Variants in ATP2C1 observed in about 807,000 individuals in gnomAD.
ATP2C1 encodes calcium-transporting ATPase type 2C member 1.
In ATP2C1, 31 loss-of-function variants were observed where a neutral mutation model predicts 120.5. The observed-to-expected ratio is 0.26, with a 90% CI of 0.19 to 0.35. The LOEUF is 0.35. Ranked by LOEUF, ATP2C1 falls within the 10% of genes least tolerant of loss-of-function variation. The probability of loss-of-function intolerance (pLI) is 1.00; values close to 1 mark genes in which losing one functional copy is unlikely to be tolerated. For synonymous variants in ATP2C1, 351 were observed against 358.7 expected (o/e 0.98, Z 0.24); for missense variants, 731 against 1,107.5 (o/e 0.66, Z 4.83).
intron 2 of ATP2C1, among the ~76,000 whole-genome samples, chr3:130,910,009 A>G (rs2058320682): frequency 6.6e-6 from 1 of 152,052 alleles, no homozygotes; most frequent in Non-Finnish European, 1.5e-5. Flanking sequence ...CCCAGCTAGT[A>G]GTAGGTTTTT....
At chr3:130,927,537 G>A (rs1048817245) in intron 2 of ATP2C1, among the ~76,000 whole-genome samples, 2 of 152,010 alleles carry the variant, frequency 1.3e-5, no homozygotes, top group Admixed American at 6.6e-5. Context: ...CACCATGCCC[G>A]GCCTTTTTAA....
chr3:130,883,676 T>A (rs2068860530), intron 1 of ATP2C1, among the ~76,000 whole-genome samples: 1 of 152,094 alleles, frequency 6.6e-6, no homozygotes, highest in African/African-American at 2.4e-5. Flanking sequence ...GGTCTCAAAC[T>A]CCTGACCTAA....
intron 1 of ATP2C1, among the ~76,000 whole-genome samples, chr3:130,851,503 G>A (rs769656250): frequency 3.9e-5 from 6 of 152,152 alleles, no homozygotes; most frequent in Admixed American, 6.6e-5. Context: ...TTTCCAGCAG[G>A]AGACACTATC....
intron 18 of ATP2C1, among the ~76,000 whole-genome samples, chr3:130,977,118 T>C (rs218488): frequency 0.45 from 68,700 of 151,876 alleles, 17,860 homozygotes; most frequent in Middle Eastern, 0.65. Context: ...TAAGGGGCAC[T>C]GCAGGGAGGC....
intron 1 of ATP2C1, among the ~76,000 whole-genome samples, chr3:130,870,447 T>TA (rs2068394857): frequency 6.6e-6 from 1 of 152,206 alleles, no homozygotes; most frequent in Non-Finnish European, 1.5e-5. Context: ...TAGGTGTCAC[T>TA]AAAAACATTT....
chr3:130,930,430 A>G lies in ATP2C1; in HGVS notation c.21A>G (p.Gln7=), dbSNP rs1190374214. MKVARF[Q]KIPNGENETM... ...TTACTTCCTAGGTTGCACGTTTTCA[A>G]AAAATACCTAATGGTGAAAATGAGA... is the stretch of plus-strand genomic sequence containing the variant. The change falls in exon 3 of 28, where the codon CAA becomes CAG. Residue 7 remains glutamine, a synonymous_variant. Coordinates refer to ENST00000510168, the MANE Select transcript of ATP2C1 (RefSeq NM_001378687.1). 6 of 1,611,852 alleles carry G rather than the reference A, an allele frequency of 3.7e-6. No homozygotes were observed. The African/African-American group carries it at 8.0e-5, about 22-fold the overall frequency.
intron 26 of ATP2C1, among the ~76,000 whole-genome samples, chr3:131,015,564 T>C (rs2063580865): frequency 6.6e-6 from 1 of 152,162 alleles, no homozygotes; most frequent in African/African-American, 2.4e-5. Context: ...GCAAACATCC[T>C]AGGTTAAGTT....
At chr3:131,014,133 T>C (rs1016264685) in intron 26 of ATP2C1, 5 of 1,613,504 alleles carry the variant, frequency 3.1e-6, no homozygotes, top group Non-Finnish European at 3.4e-6. Flanking sequence ...GTTTCCCTCA[T>C]ACCAACACTT....
chr3:130,989,242 C>T (rs148084367), intron 20 of ATP2C1, among the ~76,000 whole-genome samples: 7,812 of 90,566 alleles, frequency 0.086, 716 homozygotes, highest in African/African-American at 0.24. Context: ...AGCGAAAATC[C>T]ATCTCAAAAA....
At chr3:130,852,677 T>A (rs1457589280) in intron 1 of ATP2C1, among the ~76,000 whole-genome samples, 1 of 152,216 alleles carries the variant, frequency 6.6e-6, no homozygotes, top group East Asian at 1.9e-4. Context: ...ATTAGAGAAA[T>A]TAGGTCAGAG....
intron 26 of ATP2C1, among the ~76,000 whole-genome samples, chr3:131,008,496 G>T (rs1344791302): frequency 6.6e-6 from 1 of 150,460 alleles, no homozygotes; most frequent in Non-Finnish European, 1.5e-5. Context: ...GCTTATTTTT[G>T]TAAATAAAGT....
In ATP2C1 at chr3:130,910,203, G is replaced by A. The variant is rs917234078; in HGVS notation, c.6+15428G>A. 3.3e-5 allele frequency among the ~76,000 whole-genome samples: 5 copies of A among 151,614 alleles called. No homozygotes were observed. In the South Asian group the frequency reaches 8.4e-4, roughly 26 times the overall value. On this transcript the variant is annotated intron_variant, in intron 2 of 27. Coordinates refer to ENST00000510168, the MANE Select transcript of ATP2C1 (RefSeq NM_001378687.1). ...GATTCCTAGGTATTTTATTCTCTTT[G>A]AAGCAATTGTGAATGGGAGTTCACT...
intron 20 of ATP2C1, among the ~76,000 whole-genome samples, chr3:130,985,658 C>CT (rs1553777380): frequency 7.6e-6 from 1 of 132,046 alleles, no homozygotes; most frequent in Non-Finnish European, 1.6e-5. Context: ...CCCGCCCCAC[C>CT]AAAAAAAAAA....
At chr3:130,957,084 T>C (rs576617891) in intron 11 of ATP2C1, among the ~76,000 whole-genome samples, 1 of 152,190 alleles carries the variant, frequency 6.6e-6, no homozygotes, top group African/African-American at 2.4e-5. Flanking sequence ...GTGGGACTTA[T>C]TTATATCCTA....
intron 2 of ATP2C1, among the ~76,000 whole-genome samples, chr3:130,924,506 T>C (rs1372826113): frequency 6.6e-6 from 1 of 152,202 alleles, no homozygotes; most frequent in African/African-American, 2.4e-5. Flanking sequence ...GCTCTTAAGA[T>C]TCTTTCCTTC....
chr3:131,015,287 T>C, intron 26 of ATP2C1: 1 of 689,984 alleles, frequency 1.4e-6, no homozygotes, highest in Non-Finnish European at 2.6e-6. Flanking sequence ...GACAAGCCCC[T>C]CCCCCCACAG....
At chr3:130,962,715 TAA>T (rs71133621) in intron 12 of ATP2C1, among the ~76,000 whole-genome samples, 1,623 of 114,198 alleles carry the variant, frequency 0.014, 22 homozygotes, top group African/African-American at 0.034. Context: ...ATGGAAGCAT[TAA>T]AAAAAAAAAA....
In ATP2C1 at chr3:130,911,147, A is replaced by T. The variant is rs549794121; in HGVS notation, c.6+16372A>T. Among the ~76,000 whole-genome samples, 526 of 145,210 alleles carry T rather than the reference A, an allele frequency of 3.6e-3. 2 individuals are homozygous for T. The highest frequency in any genetic ancestry group is 6.7e-3 in the Non-Finnish European group (437 of 65,538). On this transcript the variant is annotated intron_variant, in intron 2 of 27. Coordinates refer to ENST00000510168, the MANE Select transcript of ATP2C1 (RefSeq NM_001378687.1). ...CAGCTCCTGTTATTGGTCTATTCAG[A>T]GATTCAACTTCTTCCTGGTTTAGTC...
chr3:130,953,788 A>C, intron 8 of ATP2C1, 33 bp from the exon 9 acceptor site: 1 of 1,613,378 alleles, frequency 6.2e-7, no homozygotes. Context: ...TGTAGCACAA[A>C]ATTTGAATCT....
Sources: gnomAD v4.1 joint callset for allele counts (sites outside exome capture counted in the v4.1 genomes callset) on GRCh38, gnomAD v4.1.1 for gene constraint, MANE v1.5 for transcripts, NCBI Gene and HGNC (gene_info 2026-07-23, HGNC 2026-07-21) for gene names.